The following PLEKHA7 variants were observed in gnomAD, a reference collection of about 807,000 sequenced individuals.
PLEKHA7 encodes the protein pleckstrin homology domain-containing family A member 7.
A neutral mutation model predicts 170.0 loss-of-function variants in PLEKHA7; 104 were observed. That is an observed-to-expected ratio of 0.61 (90% CI 0.52 to 0.72). The LOEUF (loss-of-function observed/expected upper bound fraction) is 0.72, where lower values mean the gene tolerates loss of function less well. PLEKHA7 is among the 30% of genes least tolerant of loss of function. PLEKHA7 has a pLI of 0.00. For missense variants in PLEKHA7, 1,615 were observed against 1,671.7 expected (o/e 0.97, Z 0.59); for synonymous variants, 648 against 660.8 (o/e 0.98, Z 0.30).
At chr11:16,911,260 A>G (rs1278464228) in intron 3 of PLEKHA7, among the ~76,000 whole-genome samples, 1 of 152,156 alleles carries the variant, frequency 6.6e-6, no homozygotes, top group Non-Finnish European at 1.5e-5. Flanking sequence ...CCTGTGGGAA[A>G]ACTACAGGGG....
rs1848607399 is a variant in PLEKHA7, at chr11:16,801,700, G to A, written c.2275C>T (p.His759Tyr). The A allele has an allele frequency of 6.2e-7, 1 of 1,614,118 alleles. No homozygotes were observed. The highest frequency in any genetic ancestry group is 1.3e-5 in the African/African-American group (1 of 75,040). ...QQKLLQEDLV[H>Y]IRAELSREST... ...TCTCTGGAGAGCTCAGCTCGGATAT[G>A]GACAAGGTCCTCCTGCAGCAACTTC... Residue 759 changes from histidine to tyrosine, a missense_variant, in exon 16 of 27, where the codon CAT becomes TAT. His to Tyr is a moderately conservative substitution (Grantham distance 83, BLOSUM62 2). Coordinates refer to ENST00000531066, the MANE Select transcript of PLEKHA7 (RefSeq NM_001329630.2).
chr11:16,892,619 CTTTTT>C (rs10674972), intron 3 of PLEKHA7, among the ~76,000 whole-genome samples: 59 of 82,412 alleles, frequency 7.2e-4, no homozygotes, highest in South Asian at 3.4e-3. Flanking sequence ...CTTCCAGCTT[CTTTTT>C]TTTTTTTTTT....
intron 10 of PLEKHA7, among the ~76,000 whole-genome samples, chr11:16,818,693 A>G (rs556480859): frequency 4.6e-5 from 7 of 152,364 alleles, no homozygotes; most frequent in African/African-American, 1.7e-4. Context: ...ACAGTCTAAG[A>G]AAGTCCTGTG....
chr11:16,904,727 A>G (rs1265414759), intron 3 of PLEKHA7, among the ~76,000 whole-genome samples: 1 of 152,208 alleles, frequency 6.6e-6, no homozygotes, highest in African/African-American at 2.4e-5. Context: ...GTATTTTGCT[A>G]TCCATTATTT....
At chr11:16,993,813 C>T (rs1358160131) in intron 3 of PLEKHA7, among the ~76,000 whole-genome samples, 1 of 152,034 alleles carries the variant, frequency 6.6e-6, no homozygotes, top group African/African-American at 2.4e-5. Flanking sequence ...CAGGAGAGAC[C>T]AAAGGAAAAT....
At chr11:16,912,774 C>A (rs1215608622) in intron 3 of PLEKHA7, among the ~76,000 whole-genome samples, 1 of 152,144 alleles carries the variant, frequency 6.6e-6, no homozygotes, top group Non-Finnish European at 1.5e-5. Context: ...GCTCCATCTC[C>A]TCTGGGCTTC....
intron 3 of PLEKHA7, among the ~76,000 whole-genome samples, chr11:16,912,122 A>G (rs1043850853): frequency 2.0e-5 from 3 of 152,222 alleles, no homozygotes; most frequent in Admixed American, 2.0e-4. Context: ...ATCTTCCCAT[A>G]AAGGGAAACT....
At chr11:16,870,916 C>T (rs1240072286) in intron 4 of PLEKHA7, among the ~76,000 whole-genome samples, 183 bp downstream of exon 4, 2 of 152,148 alleles carry the variant, frequency 1.3e-5, no homozygotes, top group Non-Finnish European at 1.5e-5. Flanking sequence ...CCATATCTTG[C>T]CACTGAAAGA....
chr11:16,900,560 C>T (rs891131086), intron 3 of PLEKHA7, among the ~76,000 whole-genome samples: 3 of 152,220 alleles, frequency 2.0e-5, no homozygotes, highest in Non-Finnish European at 2.9e-5. Flanking sequence ...CATAAGCACT[C>T]ATCACTGCCT....
At chr11:16,938,484 G>T (rs775475004) in intron 3 of PLEKHA7, among the ~76,000 whole-genome samples, 1 of 151,786 alleles carries the variant, frequency 6.6e-6, no homozygotes, top group Non-Finnish European at 1.5e-5. Context: ...TTCTAAGATA[G>T]GTGCCCCCCT....
intron 3 of PLEKHA7, among the ~76,000 whole-genome samples, chr11:16,988,766 CT>C (rs1363210304): frequency 2.6e-5 from 4 of 152,234 alleles, no homozygotes; most frequent in Admixed American, 2.6e-4. Flanking sequence ...TTGATTACCT[CT>C]GATGATAGTG....
In PLEKHA7 at chr11:16,826,129, T is replaced by TC; in HGVS notation, c.1333dup (p.Asp445GlyfsTer2). The TC allele has an allele frequency of 1.2e-6, 2 of 1,613,890 alleles. No homozygotes were observed. Among genetic ancestry groups the TC allele is most frequent in the Non-Finnish European group, 1.7e-6 (2 of 1,179,820 alleles). On this transcript the variant is annotated frameshift_variant, in exon 10 of 27. Transcript: ENST00000531066. LOFTEE classifies it high-confidence loss of function. ...TGAGTCTATTACTCACCTCCTGCTA[T>TC]CCCCTTTCTGGGCCCTTGCCCAGTG...
chr11:16,809,880 T>C (rs2134555265), intron 13 of PLEKHA7, among the ~76,000 whole-genome samples: 1 of 152,340 alleles, frequency 6.6e-6, no homozygotes, highest in South Asian at 2.1e-4. Flanking sequence ...CTCTCCTGAA[T>C]CGCCCCTAAC....
At chr11:16,865,593 G>GGGCACCTGCTATTCGGGA (rs11268016) in intron 4 of PLEKHA7, among the ~76,000 whole-genome samples, 1 of 151,350 alleles carries the variant, frequency 6.6e-6, no homozygotes, top group Non-Finnish European at 1.5e-5. Flanking sequence ...GTGTGATGGT[G>GGGCACCTGCTATTCGGGA]GGCTGAGGCA....
chr11:16,837,487 T>C (rs757721472), intron 9 of PLEKHA7, among the ~76,000 whole-genome samples: 19 of 152,162 alleles, frequency 1.2e-4, no homozygotes, highest in Non-Finnish European at 2.2e-4. Context: ...TTGCCATCTC[T>C]AGTGTAATAA....
intron 3 of PLEKHA7, among the ~76,000 whole-genome samples, chr11:16,898,183 A>C (rs1193394222): frequency 6.6e-6 from 1 of 152,148 alleles, no homozygotes; most frequent in Admixed American, 6.5e-5. Flanking sequence ...CACTCTTTCA[A>C]CAACTCGAAT....
intron 4 of PLEKHA7, 83 bp from the exon 5 acceptor site, chr11:16,855,997 C>G (rs927396804): frequency 1.3e-5 from 15 of 1,199,454 alleles, no homozygotes. Context: ...AGGTAGGAAT[C>G]GGTTGTTGGG....
chr11:16,782,167 A>C (rs905034356), intron 26 of PLEKHA7, among the ~76,000 whole-genome samples: 18 of 151,806 alleles, frequency 1.2e-4, no homozygotes, highest in African/African-American at 4.4e-4. Context: ...ACGGACACAC[A>C]CACACCCACA....
intron 3 of PLEKHA7, among the ~76,000 whole-genome samples, chr11:16,968,657 AAC>A (rs1452292297): frequency 1.3e-5 from 2 of 152,186 alleles, no homozygotes; most frequent in East Asian, 1.9e-4. Context: ...GCAGCGGAAC[AAC>A]ACAGTTTGGA....
Sources: gnomAD v4.1 joint callset for allele counts (sites outside exome capture counted in the v4.1 genomes callset) on GRCh38, gnomAD v4.1.1 for gene constraint, MANE v1.5 for transcripts, NCBI Gene and HGNC (gene_info 2026-07-23, HGNC 2026-07-21) for gene names.